The following SHANK2 variants were observed in gnomAD, a reference collection of about 807,000 sequenced individuals.
SHANK2 encodes SH3 and multiple ankyrin repeat domains protein 2.
In SHANK2, 43 loss-of-function variants were observed where a neutral mutation model predicts 133.7. The observed-to-expected ratio is 0.32, with a 90% CI of 0.25 to 0.41. SHANK2 has a LOEUF of 0.41. Among genes scored for constraint, SHANK2 ranks in the 10% least tolerant of loss-of-function variants. The probability of loss-of-function intolerance (pLI) is 1.00; values close to 1 mark genes in which losing one functional copy is unlikely to be tolerated. For missense variants in SHANK2, 1,994 were observed against 2,235.8 expected (o/e 0.89, Z 2.18); for synonymous variants, 1,017 against 952.8 (o/e 1.07, Z -1.24).
chr11:70,667,700 A>C (rs1056792803), intron 15 of SHANK2: 4 of 152,212 alleles, frequency 2.6e-5, no homozygotes, highest in African/African-American at 4.8e-5. Flanking sequence ...CTGATCCTCG[A>C]GGTGATGTCC....
intron 11 of SHANK2, among the ~76,000 whole-genome samples, chr11:70,837,762 G>A (rs782229252): frequency 2.6e-5 from 4 of 151,916 alleles, no homozygotes; most frequent in Non-Finnish European, 4.4e-5. Flanking sequence ...ATCACTTGAG[G>A]TCAAGAGTTC....
chr11:70,810,014 G>A (rs1020676847), intron 12 of SHANK2, among the ~76,000 whole-genome samples: 3 of 152,226 alleles, frequency 2.0e-5, no homozygotes, highest in East Asian at 1.9e-4. Flanking sequence ...GCAGTGCATC[G>A]ATGTGCACAG....
Position 70,636,687 on chromosome 11 carries a change from A to G in SHANK2, c.2061+23141T>C, listed in dbSNP as rs150287503. ...TGTGAGCACGTGTGAGCATCTGTGTATGTGTAAGCACGTGTGTGAACATAT... is the reference window on the plus strand; with the variant it reads ...TGTGAGCACGTGTGAGCATCTGTGTGTGTGTAAGCACGTGTGTGAACATAT... On this transcript the variant is annotated intron_variant, in intron 17 of 25. Coordinates refer to ENST00000601538, the MANE Select transcript of SHANK2 (RefSeq NM_012309.5). 4.9e-3 allele frequency among the ~76,000 whole-genome samples: 611 copies of G among 123,578 alleles called. 18 individuals carry two copies. In the South Asian group the frequency reaches 0.079, roughly 16 times the overall value. 81.1% of individuals were successfully genotyped at this position (123,578 alleles called of 152,430 possible).
chr11:70,865,871 C>A (rs1555068916), intron 11 of SHANK2, among the ~76,000 whole-genome samples: 1 of 152,192 alleles, frequency 6.6e-6, no homozygotes, highest in African/African-American at 2.4e-5. Context: ...CTGCTCTACC[C>A]AAGCATCAAG....
chr11:71,159,410 C>A (rs542102162), intron 2 of SHANK2, among the ~76,000 whole-genome samples: 61 of 152,242 alleles, frequency 4.0e-4, no homozygotes, highest in Admixed American at 1.8e-3. Flanking sequence ...CCTGGATAAC[C>A]CAAGATAATT....
At chr11:70,596,007 C>T (rs1485325959) in intron 17 of SHANK2, among the ~76,000 whole-genome samples, 11 of 152,226 alleles carry the variant, frequency 7.2e-5, no homozygotes, top group South Asian at 2.1e-4. Context: ...ACCACCTCCA[C>T]GCCAAGGCAT....
chr11:70,803,031 G>A (rs1948081143), intron 13 of SHANK2, among the ~76,000 whole-genome samples: 1 of 152,126 alleles, frequency 6.6e-6, no homozygotes, highest in South Asian at 2.1e-4. Context: ...TGGCAGGTGG[G>A]GGCGAGGACA....
At chr11:71,215,647 T>C (rs1591028417) in intron 2 of SHANK2, among the ~76,000 whole-genome samples, 2 of 152,204 alleles carry the variant, frequency 1.3e-5, no homozygotes, top group East Asian at 3.9e-4. Context: ...CGTGGCACAG[T>C]GGCTCCCACT....
At chr11:70,711,270 C>A (rs916958911) in intron 14 of SHANK2, among the ~76,000 whole-genome samples, 1 of 152,122 alleles carries the variant, frequency 6.6e-6, no homozygotes, top group African/African-American at 2.4e-5. Flanking sequence ...CAGGGTCACC[C>A]GGGTGGCAAC....
chr11:70,827,579 G>C (rs918975425), intron 11 of SHANK2, among the ~76,000 whole-genome samples: 2 of 151,504 alleles, frequency 1.3e-5, no homozygotes, highest in Non-Finnish European at 2.9e-5. Context: ...CCAGGGGCAA[G>C]GTTCTGTTGC....
At chr11:70,839,724 C>T (rs1948874576) in intron 11 of SHANK2, among the ~76,000 whole-genome samples, 1 of 152,158 alleles carries the variant, frequency 6.6e-6, no homozygotes, top group South Asian at 2.1e-4. Flanking sequence ...CCCGGTAAAG[C>T]TGCCAGGCCG....
chr11:70,672,124 C>T (rs1319155453), intron 15 of SHANK2, among the ~76,000 whole-genome samples: 3 of 146,488 alleles, frequency 2.0e-5, no homozygotes, highest in Non-Finnish European at 3.0e-5. Context: ...AGTGCAGTGG[C>T]GCGATCTTGG....
At chr11:70,853,224 G>T (rs1255464212) in intron 11 of SHANK2, among the ~76,000 whole-genome samples, 1 of 152,230 alleles carries the variant, frequency 6.6e-6, no homozygotes, top group Non-Finnish European at 1.5e-5. Context: ...AACAGAGCCA[G>T]ACTCTTTCTA....
At chr11:71,151,451 A>G (rs1226864433) in intron 2 of SHANK2, among the ~76,000 whole-genome samples, 1 of 152,108 alleles carries the variant, frequency 6.6e-6, no homozygotes, top group African/African-American at 2.4e-5. Context: ...ACTCCTCATC[A>G]GATATCAACC....
intron 6 of SHANK2, among the ~76,000 whole-genome samples, chr11:71,102,493 G>A (rs912331100): frequency 1.7e-4 from 26 of 152,154 alleles, no homozygotes; most frequent in African/African-American, 4.6e-4. Context: ...TGAGCATGGC[G>A]GCATTTCCTG....
intron 14 of SHANK2, among the ~76,000 whole-genome samples, chr11:70,716,120 T>C (rs1173984055): frequency 6.6e-6 from 1 of 152,058 alleles, no homozygotes; most frequent in Non-Finnish European, 1.5e-5. Flanking sequence ...GAACATCCTG[T>C]CTTAGGGCCC....
Position 70,599,480 on chromosome 11 carries a change from G to A in SHANK2, c.2061+60348C>T, listed in dbSNP as rs11533285. ...AAATTAGCCGGGCGAGGTGGCGGGC[G>A]CCTGTAGTCCCAGCTACTCGGGAGG... On this transcript the variant is annotated intron_variant, in intron 17 of 25. Coordinates refer to ENST00000601538, the MANE Select transcript of SHANK2 (RefSeq NM_012309.5). Among the ~76,000 whole-genome samples, 3 of 134,244 alleles carry A rather than the reference G, an allele frequency of 2.2e-5. 1 individual carries two copies. The highest frequency in any genetic ancestry group is 4.8e-5 in the Non-Finnish European group (3 of 62,016). The allele number at this position is 134,244 out of a possible 152,430, so 88.1% of individuals were successfully genotyped here. A position where few individuals can be genotyped will look rare whatever the true frequency, so the allele number is the denominator to read the frequency against.
chr11:70,588,174 A>G (rs144486554), intron 17 of SHANK2, among the ~76,000 whole-genome samples: 1 of 152,314 alleles, frequency 6.6e-6, no homozygotes, highest in African/African-American at 2.4e-5. Flanking sequence ...GAGACACAAC[A>G]ATATAGAAAT....
chr11:70,594,084 C>T (rs941263944), intron 17 of SHANK2, among the ~76,000 whole-genome samples: 4 of 152,312 alleles, frequency 2.6e-5, no homozygotes, highest in South Asian at 2.1e-4. Flanking sequence ...ATTCGTAAAT[C>T]GCTGCTTGCT....
Sources: gnomAD v4.1 joint callset for allele counts (sites outside exome capture counted in the v4.1 genomes callset) on GRCh38, gnomAD v4.1.1 for gene constraint, MANE v1.5 for transcripts, NCBI Gene and HGNC (gene_info 2026-07-23, HGNC 2026-07-21) for gene names.